Variants in CFAP46 observed in about 807,000 individuals in gnomAD.
The protein encoded by CFAP46 is cilia- and flagella-associated protein 46.
In CFAP46, 245 loss-of-function variants were observed where a neutral mutation model predicts 325.7. That is an observed-to-expected ratio of 0.75 (90% CI 0.68 to 0.84). The LOEUF (loss-of-function observed/expected upper bound fraction) is 0.84, where lower values mean the gene tolerates loss of function less well. Ranked by LOEUF, CFAP46 falls within the 40% of genes least tolerant of loss-of-function variation. The probability of loss-of-function intolerance (pLI) is 0.00; values close to 1 mark genes in which losing one functional copy is unlikely to be tolerated. For synonymous variants in CFAP46, 1,523 were observed against 1,495.9 expected, an observed-to-expected ratio of 1.02 and a Z score of -0.42; for missense variants, 3,346 against 3,543.0, an observed-to-expected ratio of 0.94 and a Z score of 1.41.
intron 22 of CFAP46, among the ~76,000 whole-genome samples, chr10:132,906,839 C>T (rs532012147): frequency 8.1e-5 from 12 of 147,956 alleles, no homozygotes; most frequent in African/African-American, 2.6e-4. Context: ...GGGGTCTTGG[C>T]GTGTGATGCC....
intron 44 of CFAP46, among the ~76,000 whole-genome samples, chr10:132,842,949 T>G (rs1455511747): frequency 6.6e-6 from 1 of 152,188 alleles, no homozygotes; most frequent in African/African-American, 2.4e-5. Context: ...CCCAGTTACC[T>G]CTTAAAGGCC....
rs997048167 is a variant in CFAP46, at chr10:132,859,221, G to A, written c.5225C>T (p.Ala1742Val). ...ARCLSLRVRV[A>V]QHSAVTEPTE... ...GGGTTCAGTGACCGCTGAGTGCTGC[G>A]CAACTCTGACCCGCAGGCTCAGGCA... The change falls in exon 38 of 58, where the codon GCG becomes GTG. Residue 1742 changes from alanine to valine, a missense_variant. Transcript: ENST00000368586. 2.1e-5 allele frequency: 33 copies of A among 1,549,520 alleles called. No individual in the cohort carries two copies. The highest frequency in any genetic ancestry group is 4.9e-5 in the East Asian group (2 of 40,908).
intron 24 of CFAP46, chr10:132,898,737 G>A (rs1849350941): frequency 3.0e-6 from 2 of 666,544 alleles, no homozygotes; most frequent in Non-Finnish European, 5.4e-6. Context: ...GTGCATGTGT[G>A]TTGCTGGGAG....
chr10:132,814,405 G>T lies in CFAP46; in HGVS notation c.7286-151C>A, dbSNP rs1424831466. 3.7e-6 allele frequency: 4 copies of T among 1,082,190 alleles called. No homozygotes were observed. In the East Asian group the frequency reaches 7.8e-5, roughly 21 times the overall value. The allele number at this position is 1,082,190 out of a possible 1,614,324, so 67.0% of individuals were successfully genotyped here. ...GTGGGGTGATGGTAGAACCAGGCTA[G>T]CCAGAGAGAAAACCTCAACAAATTA... On this transcript the variant is annotated intron_variant, in intron 53 of 57. Transcript: ENST00000368586.
intron 13 of CFAP46, among the ~76,000 whole-genome samples, chr10:132,921,195 G>A (rs1280404781): frequency 6.6e-6 from 1 of 152,194 alleles, no homozygotes; most frequent in African/African-American, 2.4e-5. Flanking sequence ...GGTTCGTCGT[G>A]CTGGGTGAAA....
chr10:132,822,801 G>A (rs377747113), intron 50 of CFAP46, among the ~76,000 whole-genome samples: 3 of 66,870 alleles, frequency 4.5e-5, no homozygotes. Flanking sequence ...CTGTGTGTGT[G>A]CTGATGTGTG....
chr10:132,853,135 C>G (rs1011515271), intron 39 of CFAP46, among the ~76,000 whole-genome samples: 5 of 152,160 alleles, frequency 3.3e-5, no homozygotes, highest in Admixed American at 1.3e-4. Flanking sequence ...TCGTCCTTAT[C>G]GAAAGGGGGC....
intron 10 of CFAP46, among the ~76,000 whole-genome samples, chr10:132,925,396 G>A (rs1198833088): frequency 2.6e-5 from 4 of 152,224 alleles, no homozygotes; most frequent in Middle Eastern, 6.3e-3. Flanking sequence ...TAGCCCTCAC[G>A]CTGCCCCTGG....
At chr10:132,865,568 G>C (rs1473097236) in intron 35 of CFAP46, among the ~76,000 whole-genome samples, 1 of 152,220 alleles carries the variant, frequency 6.6e-6, no homozygotes, top group African/African-American at 2.4e-5. Context: ...GTCCCATCCA[G>C]GGAGTGAGAG....
At chr10:132,874,779 G>C (rs527761350) in intron 31 of CFAP46, among the ~76,000 whole-genome samples, 1 of 152,142 alleles carries the variant, frequency 6.6e-6, no homozygotes, top group Admixed American at 6.5e-5. Flanking sequence ...CATCAATAAA[G>C]ATCGATAAAA....
chr10:132,880,140 T>C (rs1218669492), intron 28 of CFAP46, among the ~76,000 whole-genome samples: 5 of 149,418 alleles, frequency 3.3e-5, no homozygotes, highest in African/African-American at 5.1e-5. Context: ...GTGTGTGGAG[T>C]GGCCACCCTA....
intron 50 of CFAP46, among the ~76,000 whole-genome samples, chr10:132,823,034 GCGC>G (rs1847914494): frequency 7.4e-6 from 1 of 135,248 alleles, no homozygotes; most frequent in Non-Finnish European, 1.6e-5. Context: ...TGCTGTGTGT[GCGC>G]TGATGTGTGC....
At chr10:132,856,000 C>G (rs903721733) in intron 39 of CFAP46, among the ~76,000 whole-genome samples, 8 of 152,346 alleles carry the variant, frequency 5.3e-5, no homozygotes, top group Non-Finnish European at 1.0e-4. Flanking sequence ...ACTCCAAGAG[C>G]TCCTGCAGGG....
chr10:132,851,824 CACA>C (rs1195828919), intron 39 of CFAP46, among the ~76,000 whole-genome samples: 199 of 139,228 alleles, frequency 1.4e-3, no homozygotes, highest in Non-Finnish European at 1.6e-3. Context: ...GCAAGGTATC[CACA>C]GATCCTGATC....
rs1240010793 is a variant in CFAP46, at chr10:132,885,856, C to T, written c.3408G>A (p.Glu1136=). 6.5e-7 allele frequency: 1 copy of T among 1,549,672 alleles called. No individual in the cohort carries two copies. The change falls in exon 26 of 58, where the codon GAG becomes GAA. Residue 1136 remains glutamate (E), a synonymous_variant. Coordinates refer to ENST00000368586, the MANE Select transcript of CFAP46 (RefSeq NM_001200049.3). ...DWEGGLKVLD[E]AVQVLPRTAH... The stretch of plus-strand genomic sequence containing the variant: ...CCGTCCTTGGCAGCACCTGCACAGC[C>T]TCGTCCAGCACCTTGAGGCCGCCCT...
rs771831172 is a variant in CFAP46 at position 132,916,559 on chromosome 10, T to C, written c.2110A>G (p.Ile704Val). Residue 704 changes from isoleucine (I) to valine (V), a missense_variant, in exon 17 of 58, where the codon ATC becomes GTC. Physicochemically the swap from Ile to Val is conservative, Grantham distance 29 (BLOSUM62 3). Transcript: ENST00000368586. ...PEPPEVNAEW[I>V]TYRTWIESLS... ...GTCGCCTCTGCCCACCTGTATGTGA[T>C]CCACTCAGCATTCACCTCCGGGGGC... The C allele has an allele frequency of 2.6e-6, 4 of 1,547,950 alleles. No homozygotes were observed. The highest frequency in any genetic ancestry group is 3.5e-6 in the Non-Finnish European group (4 of 1,145,812).
intron 43 of CFAP46, among the ~76,000 whole-genome samples, chr10:132,846,619 C>A (rs1214150851): frequency 1.4e-5 from 2 of 145,692 alleles, no homozygotes; most frequent in Non-Finnish European, 3.0e-5. Flanking sequence ...TGCTGGCCTG[C>A]GACTGCCGGG....
intron 34 of CFAP46, 91 bp from the exon 35 acceptor site, chr10:132,866,262 A>G (rs1000884875): frequency 8.3e-6 from 11 of 1,329,726 alleles, no homozygotes; most frequent in African/African-American, 1.5e-5. Context: ...AGCCATCTGT[A>G]CCACACAGGG....
chr10:132,835,586 C>T, intron 46 of CFAP46, 152 bp from the exon 47 acceptor site: 1 of 1,007,130 alleles, frequency 9.9e-7, no homozygotes, highest in Non-Finnish European at 1.4e-6. Flanking sequence ...CCCCTGGTCC[C>T]ATGCTGTGGA....
Sources: gnomAD v4.1 joint callset for allele counts (sites outside exome capture counted in the v4.1 genomes callset) on GRCh38, gnomAD v4.1.1 for gene constraint, MANE v1.5 for transcripts, NCBI Gene and HGNC (gene_info 2026-07-23, HGNC 2026-07-21) for gene names.